The following RBFOX1 variants were observed in gnomAD, a reference collection of about 807,000 sequenced individuals.
RBFOX1 encodes the protein RNA binding protein fox-1 homolog 1.
A neutral mutation model predicts 57.7 loss-of-function variants in RBFOX1; 8 were observed. The ratio of observed to expected loss-of-function variants is 0.14; its 90% CI spans 0.08 to 0.25. RBFOX1 has a LOEUF of 0.25. Among genes scored for constraint, RBFOX1 ranks in the 10% least tolerant of loss-of-function variants. The probability of loss-of-function intolerance (pLI) is 1.00; values close to 1 mark genes in which losing one functional copy is unlikely to be tolerated. For synonymous variants in RBFOX1, 326 were observed against 222.4 expected (o/e 1.47, Z -4.15); for missense variants, 611 against 548.5 (o/e 1.11, Z -1.14).
chr16:7,696,113 G>A (rs1050968362), intron 14 of RBFOX1, among the ~76,000 whole-genome samples: 7 of 152,178 alleles, frequency 4.6e-5, no homozygotes, highest in African/African-American at 1.7e-4. Flanking sequence ...CTAGCCACAT[G>A]GAATAGGCAT....
chr16:7,479,961 T>C (rs558177116), intron 4 of RBFOX1, among the ~76,000 whole-genome samples: 4 of 152,342 alleles, frequency 2.6e-5, no homozygotes, highest in South Asian at 2.1e-4. Flanking sequence ...AAGGCAAATG[T>C]TGGGGCTTGG....
intron 3 of RBFOX1, chr16:5,610,490 T>C (rs530609455): frequency 6.6e-6 from 1 of 152,158 alleles, no homozygotes; most frequent in Non-Finnish European, 1.5e-5. Flanking sequence ...AAAACTGTGG[T>C]CTTGGCAGGG....
chr16:6,251,660 C>G (rs1245467935), intron 1 of RBFOX1, among the ~76,000 whole-genome samples: 2 of 152,064 alleles, frequency 1.3e-5, no homozygotes, highest in East Asian at 1.9e-4. Flanking sequence ...GCTCGAAGCA[C>G]AGAGTTTGGT....
At chr16:6,383,099 C>G (rs1443013359) in intron 2 of RBFOX1, among the ~76,000 whole-genome samples, 2 of 152,162 alleles carry the variant, frequency 1.3e-5, no homozygotes, top group Non-Finnish European at 2.9e-5. Context: ...CATGTGCTAG[C>G]AAATTCTCAT....
chr16:6,159,407 C>T (rs551351168), intron 1 of RBFOX1, among the ~76,000 whole-genome samples: 94 of 152,212 alleles, frequency 6.2e-4, no homozygotes, highest in Non-Finnish European at 1.0e-3. Flanking sequence ...GGAGAAGCTC[C>T]TTTCTTCTTA....
At chr16:6,959,246 C>G (rs1326797322) in intron 3 of RBFOX1, among the ~76,000 whole-genome samples, 1 of 152,122 alleles carries the variant, frequency 6.6e-6, no homozygotes, top group Non-Finnish European at 1.5e-5. Context: ...GCTCAGGGGA[C>G]AGGCAGATTT....
At chr16:6,163,007 T>G (rs1190679223) in intron 1 of RBFOX1, among the ~76,000 whole-genome samples, 3 of 152,164 alleles carry the variant, frequency 2.0e-5, no homozygotes, top group Admixed American at 2.0e-4. Context: ...GTGCTGGGGT[T>G]GCATGTGCCA....
At chr16:6,553,380 G>C (rs906111663) in intron 2 of RBFOX1, among the ~76,000 whole-genome samples, 1 of 152,206 alleles carries the variant, frequency 6.6e-6, no homozygotes, top group Non-Finnish European at 1.5e-5. Flanking sequence ...GGACTATTCA[G>C]TGAACGTCTA....
intron 3 of RBFOX1, among the ~76,000 whole-genome samples, chr16:6,656,874 A>ACTCCTCTCCTCTCCT (rs1316067107): frequency 4.4e-5 from 6 of 134,998 alleles, no homozygotes; most frequent in Admixed American, 2.4e-4. Context: ...AAACAAGGTA[A>ACTCCTCTCCTCTCCT]CTCCTCTCCT....
chr16:5,584,566 G>C (rs939117598), intron 2 of RBFOX1, among the ~76,000 whole-genome samples: 1 of 152,158 alleles, frequency 6.6e-6, no homozygotes, highest in African/African-American at 2.4e-5. Flanking sequence ...TCCCCCTTCA[G>C]CTTCTGTTTT....
At chr16:6,403,844 GA>G (rs2152957197) in intron 2 of RBFOX1, among the ~76,000 whole-genome samples, 1 of 152,236 alleles carries the variant, frequency 6.6e-6, no homozygotes, top group Non-Finnish European at 1.5e-5. Context: ...TGGGCTTTTA[GA>G]AGATAATTAA....
At chr16:7,666,161 T>C (rs2145767625) in intron 13 of RBFOX1, among the ~76,000 whole-genome samples, 1 of 152,248 alleles carries the variant, frequency 6.6e-6, no homozygotes, top group Admixed American at 6.5e-5. Flanking sequence ...GGCTGAGCAG[T>C]CTGAAGCCCA....
At position 7,706,250 on chromosome 16, in the gene RBFOX1, C is replaced by T. The variant is rs184697586; in HGVS notation, c.996-2806C>T. Reference sequence around the variant, plus strand: ...GTTTGAGCTGACATGATCTCTTTTCCTCTGGGGAAATGAAATTTATTAATC... The same window carrying T: ...GTTTGAGCTGACATGATCTCTTTTCTTCTGGGGAAATGAAATTTATTAATC... On this transcript the variant is annotated intron_variant, in intron 14 of 15. Transcript: ENST00000550418. Among the ~76,000 whole-genome samples the T allele has an allele frequency of 1.1e-3, 175 of 152,250 alleles. 2 individuals are homozygous for T. The highest frequency in any genetic ancestry group is 4.1e-3 in the African/African-American group (169 of 41,534).
chr16:5,875,501 T>C (rs1460992150), intron 4 of RBFOX1, among the ~76,000 whole-genome samples: 1 of 152,220 alleles, frequency 6.6e-6, no homozygotes, highest in Non-Finnish European at 1.5e-5. Context: ...TTCTGAGAAG[T>C]GGAAAGGCAT....
At chr16:6,293,053 C>G (rs1180394204) in intron 1 of RBFOX1, among the ~76,000 whole-genome samples, 1 of 152,122 alleles carries the variant, frequency 6.6e-6, no homozygotes, top group Non-Finnish European at 1.5e-5. Context: ...CCCTTTAGCT[C>G]CAAGTCTTAT....
chr16:7,106,067 T>C (rs1178767887), intron 4 of RBFOX1, among the ~76,000 whole-genome samples: 1 of 152,188 alleles, frequency 6.6e-6, no homozygotes, highest in Non-Finnish European at 1.5e-5. Context: ...TTTAAAACTA[T>C]TCAGTACCCC....
At chr16:6,608,136 T>C (rs1012517725) in intron 2 of RBFOX1, among the ~76,000 whole-genome samples, 1 of 152,216 alleles carries the variant, frequency 6.6e-6, no homozygotes, top group African/African-American at 2.4e-5. Flanking sequence ...ACTATTTCAT[T>C]GATTACTCCT....
chr16:6,828,086 T>G (rs532924308), intron 3 of RBFOX1, among the ~76,000 whole-genome samples: 2 of 152,182 alleles, frequency 1.3e-5, no homozygotes, highest in South Asian at 4.1e-4. Context: ...CATGCAGTTA[T>G]GAAGAACCAA....
chr16:6,802,070 C>G (rs1425448259), intron 3 of RBFOX1, among the ~76,000 whole-genome samples: 2 of 151,904 alleles, frequency 1.3e-5, no homozygotes, highest in Non-Finnish European at 2.9e-5. Flanking sequence ...TTCTTCAGAT[C>G]CCAGTAAAAC....
Sources: gnomAD v4.1 joint callset for allele counts (sites outside exome capture counted in the v4.1 genomes callset) on GRCh38, gnomAD v4.1.1 for gene constraint, MANE v1.5 for transcripts, NCBI Gene and HGNC (gene_info 2026-07-23, HGNC 2026-07-21) for gene names.